Variants in NPLOC4 observed in about 807,000 individuals in gnomAD.
NPLOC4 encodes nuclear protein localization protein 4 homolog.
NPLOC4 carries 18 observed loss-of-function variants against 80.6 expected under a neutral mutation model. That is an observed-to-expected ratio of 0.22 (90% CI 0.15 to 0.33). The LOEUF (loss-of-function observed/expected upper bound fraction) is 0.33, where lower values mean the gene tolerates loss of function less well. Among genes scored for constraint, NPLOC4 ranks in the 10% least tolerant of loss-of-function variants. The probability of loss-of-function intolerance (pLI) is 1.00; values close to 1 mark genes in which losing one functional copy is unlikely to be tolerated. For missense variants in NPLOC4, 540 were observed against 786.1 expected, an observed-to-expected ratio of 0.69 and a Z score of 3.74; for synonymous variants, 313 against 301.5, an observed-to-expected ratio of 1.04 and a Z score of -0.39.
intron 1 of NPLOC4, among the ~76,000 whole-genome samples, chr17:81,635,357 T>TAAAAAA (rs10627051): frequency 1.6e-5 from 2 of 126,636 alleles, no homozygotes; most frequent in African/African-American, 3.0e-5. Flanking sequence ...AAAATAAGGT[T>TAAAAAA]AAAAAAAAAA....
intron 16 of NPLOC4, chr17:81,560,709 C>CAAA (rs2033824218): frequency 1.3e-5 from 2 of 152,992 alleles, no homozygotes; most frequent in African/African-American, 4.8e-5. Flanking sequence ...ACAACAACAA[C>CAAA]AAAAAACCTA....
At chr17:81,618,397 G>C (rs1233730674) in intron 3 of NPLOC4, among the ~76,000 whole-genome samples, 1 of 150,788 alleles carries the variant, frequency 6.6e-6, no homozygotes, top group East Asian at 2.0e-4. Context: ...CCCCGTCTGA[G>C]AAGTGAGGAG....
chr17:81,598,277 G>A (rs550382259), intron 9 of NPLOC4, among the ~76,000 whole-genome samples: 19 of 152,116 alleles, frequency 1.2e-4, no homozygotes, highest in Non-Finnish European at 2.5e-4. Context: ...AGTAGAAACT[G>A]GCCACCCTCC....
At chr17:81,604,880 C>T (rs2035157617) in intron 7 of NPLOC4, among the ~76,000 whole-genome samples, 153 bp from the exon 8 acceptor site, 1 of 152,164 alleles carries the variant, frequency 6.6e-6, no homozygotes, top group African/African-American at 2.4e-5. Context: ...GTCCCAGATA[C>T]TCAGGAGGCC....
intron 2 of NPLOC4, among the ~76,000 whole-genome samples, chr17:81,627,661 G>A (rs1444190764): frequency 1.3e-5 from 2 of 152,000 alleles, no homozygotes; most frequent in Non-Finnish European, 2.9e-5. Context: ...GCTTGAACCC[G>A]GGAGGCTGAG....
At chr17:81,597,503 G>C (rs1284155812) in intron 9 of NPLOC4, among the ~76,000 whole-genome samples, 187 bp from the exon 10 acceptor site, 1 of 152,058 alleles carries the variant, frequency 6.6e-6, no homozygotes, top group Non-Finnish European at 1.5e-5. Flanking sequence ...ACAGAAATTA[G>C]GCCGGGTGCG....
intron 8 of NPLOC4, among the ~76,000 whole-genome samples, 157 bp from the exon 9 acceptor site, chr17:81,600,584 C>T (rs7213849): frequency 0.38 from 57,813 of 151,740 alleles, 13,123 homozygotes; most frequent in Non-Finnish European, 0.51. Flanking sequence ...ATGCGACACG[C>T]CTCCCGGCTT....
chr17:81,631,081 G>C (rs979840446), intron 1 of NPLOC4, among the ~76,000 whole-genome samples: 6 of 151,802 alleles, frequency 4.0e-5, no homozygotes, highest in Admixed American at 3.9e-4. Flanking sequence ...GCTGAGGCAG[G>C]AGAATCGCTT....
intron 2 of NPLOC4, 125 bp downstream of exon 2, chr17:81,629,600 G>A (rs543143885): frequency 7.0e-6 from 5 of 712,478 alleles, no homozygotes; most frequent in African/African-American, 5.3e-5. Context: ...GATAGAGAAA[G>A]GCAATGCAAG....
rs909349650 is a variant in NPLOC4 at position 81,567,837 on chromosome 17, T to A, written c.1450-304A>T. 1.8e-4 allele frequency: 45 copies of A among 251,502 alleles called. No homozygotes were observed. The Middle Eastern group carries it at 4.2e-3, about 23-fold the overall frequency. 15.6% of individuals were successfully genotyped at this position (251,502 alleles called of 1,614,324 possible). ...AGGCTAACACAGTAATTCCAGCACT[T>A]TTTAGGAGGCCGAGGCAGGCAGGTG... is the stretch of plus-strand genomic sequence containing the variant. On this transcript the variant is annotated intron_variant, in intron 14 of 16. Coordinates refer to ENST00000331134, the MANE Select transcript of NPLOC4 (RefSeq NM_017921.4). The surrounding 1 kb of genome is among the most constrained non-coding windows in gnomAD (Gnocchi z 4.5).
chr17:81,614,033 T>C (rs1321483089), intron 3 of NPLOC4, among the ~76,000 whole-genome samples: 1 of 151,976 alleles, frequency 6.6e-6, no homozygotes, highest in African/African-American at 2.4e-5. Flanking sequence ...TCCCAGCACT[T>C]TGGGAGGCTG....
chr17:81,578,844 G>A lies in NPLOC4; in HGVS notation c.1282-6756C>T, dbSNP rs150895705. On this transcript the variant is annotated intron_variant, in intron 12 of 16. Transcript: ENST00000331134. The stretch of plus-strand genomic sequence containing the variant: ...CATATCACAAAGGGTGCTAGGGGGC[G>A]TCCATTTTCTTCTTACCAATCTACA... Among the ~76,000 whole-genome samples the A allele has an allele frequency of 6.5e-3, 994 of 152,266 alleles. 4 individuals carry two copies. The highest frequency in any genetic ancestry group is 0.027 in the Middle Eastern group (8 of 294).
intron 13 of NPLOC4, among the ~76,000 whole-genome samples, chr17:81,571,578 G>A (rs1295246562): frequency 6.6e-6 from 1 of 152,176 alleles, no homozygotes; most frequent in Non-Finnish European, 1.5e-5. Flanking sequence ...AGCTGTGCTG[G>A]GGCTAGGGCA....
chr17:81,622,362 G>A (rs2035692420), intron 2 of NPLOC4, 84 bp from the exon 3 acceptor site: 3 of 995,634 alleles, frequency 3.0e-6, no homozygotes, highest in African/African-American at 3.3e-5. Context: ...ACTACTAGAA[G>A]AGTATTCACC....
In NPLOC4 at chr17:81,558,922, G is replaced by C. The variant is rs3208785; in HGVS notation, c.*337C>G. ...GAGAAGGCTGGGTGGTGGCAGCATCGGCCCCTCCCTGTGCGCCCCAATTCC... is the reference window on the plus strand; with the variant it reads ...GAGAAGGCTGGGTGGTGGCAGCATCCGCCCCTCCCTGTGCGCCCCAATTCC... On this transcript the variant is annotated 3_prime_UTR_variant, in exon 17 of 17. Transcript: ENST00000331134. The C allele has an allele frequency of 0.46, 97,812 of 213,018 alleles. 23,187 individuals are homozygous for C. Among genetic ancestry groups the C allele is most frequent in the Middle Eastern group, 0.62 (397 of 640 alleles). The allele number at this position is 213,018 out of a possible 1,614,324, so 13.2% of individuals were successfully genotyped here.
At chr17:81,582,006 C>T (rs1418453210) in intron 12 of NPLOC4, among the ~76,000 whole-genome samples, 1 of 152,200 alleles carries the variant, frequency 6.6e-6, no homozygotes, top group Admixed American at 6.5e-5. Flanking sequence ...ACCCACCACA[C>T]CCTAGTGTCA....
At chr17:81,584,876 T>C (rs575327460) in intron 12 of NPLOC4, among the ~76,000 whole-genome samples, 1 of 152,034 alleles carries the variant, frequency 6.6e-6, no homozygotes, top group East Asian at 1.9e-4. Flanking sequence ...TTAAAGAACA[T>C]GGGAACGAGG....
intron 1 of NPLOC4, among the ~76,000 whole-genome samples, chr17:81,631,449 T>A (rs796370065): frequency 0.34 from 35,460 of 105,450 alleles, 5,695 homozygotes; most frequent in East Asian, 0.54. Context: ...TTTTTTTTTT[T>A]TTTTTTTTTT....
Position 81,567,434 on chromosome 17 carries a change from C to T in NPLOC4, c.1549G>A (p.Glu517Lys). 6.2e-7 allele frequency: 1 copy of T among 1,611,750 alleles called. No individual in the cohort carries two copies. The highest frequency in any genetic ancestry group is 8.5e-7 in the Non-Finnish European group (1 of 1,178,106). ...ACACGCACCTGCAGAGGCATAACTT[C>T]ATTGGTGACCAGGAACAGCAAGAGG... is the stretch of plus-strand genomic sequence containing the variant. The part of the protein sequence containing the change: ...FHLLLFLVTN[E>K]VMPLQDSISL... Residue 517 changes from glutamate to lysine, a missense_variant, in exon 15 of 17, where the codon GAA (glutamate) becomes AAA (lysine). Transcript: ENST00000331134. The surrounding 1 kb of genome is among the most constrained non-coding windows in gnomAD (Gnocchi z 4.5).
Sources: gnomAD v4.1 joint callset for allele counts (sites outside exome capture counted in the v4.1 genomes callset) on GRCh38, gnomAD v4.1.1 for gene constraint, Gnocchi (gnomAD v3.1) non-coding constraint, MANE v1.5 for transcripts, NCBI Gene and HGNC (gene_info 2026-07-23, HGNC 2026-07-21) for gene names.